The following RBP3 variants were observed in gnomAD, a reference collection of about 807,000 sequenced individuals.
The protein encoded by RBP3 is retinol-binding protein 3.
Under a neutral mutation model 64.8 loss-of-function variants are expected in RBP3, and 50 were observed. That is an observed-to-expected ratio of 0.77 (90% CI 0.61 to 0.98). The LOEUF (loss-of-function observed/expected upper bound fraction) is 0.98, where lower values mean the gene tolerates loss of function less well. RBP3 is among the 50% of genes least tolerant of loss of function. The probability of loss-of-function intolerance (pLI) is 0.00; values close to 1 mark genes in which losing one functional copy is unlikely to be tolerated. For missense variants in RBP3, 1,712 were observed against 1,660.5 expected, an observed-to-expected ratio of 1.03 and a Z score of -0.54; for synonymous variants, 828 against 730.2, an observed-to-expected ratio of 1.13 and a Z score of -2.16.
In RBP3 at chr10:47,350,166, G is replaced by A; in HGVS notation, c.1682G>A (p.Trp561Ter). 6.2e-7 allele frequency: 1 copy of A among 1,612,364 alleles called. No homozygotes were observed. The highest frequency in any genetic ancestry group is 1.1e-5 in the South Asian group (1 of 91,092). The change falls in exon 1 of 4, where the codon TGG becomes TAG. Residue 561 changes from tryptophan (W) to a stop codon, truncating the protein, a stop_gained. Transcript: ENST00000584701. LOFTEE classifies it high-confidence loss of function. ...GCCTTCCTTATGCAGTCGCTGGGCT[G>A]GGCCACACTGGTAGGTGAGATCACC... ...EFAFLMQSLGWATLVGEITAG... is the reference protein window; with the variant it reads ...EFAFLMQSLG
In RBP3 at chr10:47,349,567, G is replaced by A. The variant is rs146487673; in HGVS notation, c.1083G>A (p.Thr361=). 8 of 1,612,988 alleles carry A rather than the reference G, an allele frequency of 5.0e-6. No individual in the cohort carries two copies. The East Asian group carries it at 6.7e-5, about 13-fold the overall frequency. The change falls in exon 1 of 4, where the codon ACG becomes ACA. Residue 361 remains threonine (T), a synonymous_variant. Transcript: ENST00000584701. ...LQHLASMDFS[T]VVSEEDLVTK... is the part of the protein sequence containing the mutation. ...ACTTGGCCAGCATGGACTTCTCCAC[G>A]GTGGTCTCCGAGGAAGATCTGGTCA... is the stretch of plus-strand genomic sequence containing the variant.
rs781986486 is a variant in RBP3 at position 47,349,934 on chromosome 10, G to C, written c.1450G>C (p.Gly484Arg). ...LIMDLRHNPG[G>R]PSSAVPLLLS... ...CATGGACCTGCGCCACAACCCTGGA[G>C]GGCCATCCTCTGCTGTGCCCCTGCT... Residue 484 changes from glycine (G) to arginine (R), a missense_variant, in exon 1 of 4, where the codon GGG becomes CGG. Physicochemically the swap from Gly to Arg is moderately radical, Grantham distance 125. Coordinates refer to ENST00000584701, the MANE Select transcript of RBP3 (RefSeq NM_002900.3). 3.1e-6 allele frequency: 5 copies of C among 1,612,384 alleles called. No individual in the cohort carries two copies. The highest frequency in any genetic ancestry group is 4.2e-6 in the Non-Finnish European group (5 of 1,179,408).
intron 3 of RBP3, 75 bp downstream of exon 3, chr10:47,355,593 G>A: frequency 6.3e-7 from 1 of 1,594,096 alleles, no homozygotes. Flanking sequence ...CAGCTTGGGT[G>A]TAGGTAAAAG....
In RBP3 at chr10:47,348,534, C is replaced by A; in HGVS notation, c.50C>A (p.Ala17Asp). Residue 17 changes from alanine (A) to aspartate (D), a missense_variant, in exon 1 of 4, where the codon GCT becomes GAT. Coordinates refer to ENST00000584701, the MANE Select transcript of RBP3 (RefSeq NM_002900.3). ...LLMSVLLCGL[A>D]GPTHLFQPSL... The stretch of plus-strand genomic sequence containing the variant: ...ATGTCCGTGCTGCTCTGTGGCCTGG[C>A]TGGCCCCACACACCTGTTCCAGCCA... The A allele has an allele frequency of 6.2e-7, 1 of 1,611,054 alleles. No individual in the cohort carries two copies.
rs1209861528 is a variant in RBP3 at position 47,351,393 on chromosome 10, G to C, written c.2909G>C (p.Ser970Thr). ...KMATKLSGLQ[S>T]RYSRVTSEVA... is the part of the protein sequence containing the mutation. ...GCCACCAAACTGAGCGGTCTGCAGA[G>C]CCGCTACTCCAGGGTGACCTCAGAA... The change falls in exon 1 of 4, where the codon AGC (serine) becomes ACC (threonine). Residue 970 changes from serine (S) to threonine (T), a missense_variant. By Grantham distance (58) the Ser-to-Thr change is moderately conservative (BLOSUM62 1). Transcript: ENST00000584701. 34 of 1,613,488 alleles carry C rather than the reference G, an allele frequency of 2.1e-5. No individual in the cohort carries two copies. In the Admixed American group the frequency reaches 4.3e-4, roughly 21 times the overall value.
chr10:47,353,215 A>G, intron 1 of RBP3, 110 bp from the exon 2 acceptor site: 2 of 1,003,404 alleles, frequency 2.0e-6, no homozygotes, highest in East Asian at 2.4e-5. Flanking sequence ...ATTCCTTCAG[A>G]AATGTTAGTT....
chr10:47,354,483 A>G (rs1040412747), intron 2 of RBP3, among the ~76,000 whole-genome samples: 3 of 152,188 alleles, frequency 2.0e-5, no homozygotes, highest in Non-Finnish European at 2.9e-5. Flanking sequence ...GAGATAAAAC[A>G]TTAGCCCTGG....
In RBP3 at chr10:47,349,940, T is replaced by A; in HGVS notation, c.1456T>A (p.Ser486Thr). The A allele has an allele frequency of 6.2e-7, 1 of 1,612,362 alleles. No individual in the cohort carries two copies. Among genetic ancestry groups the A allele is most frequent in the Non-Finnish European group, 8.5e-7 (1 of 1,179,342 alleles). Residue 486 changes from serine (S) to threonine (T), a missense_variant, in exon 1 of 4, where the codon TCC (serine) becomes ACC (threonine). Coordinates refer to ENST00000584701, the MANE Select transcript of RBP3 (RefSeq NM_002900.3). ...MDLRHNPGGP[S>T]SAVPLLLSYF... is the part of the protein sequence containing the mutation. ...CCTGCGCCACAACCCTGGAGGGCCA[T>A]CCTCTGCTGTGCCCCTGCTCCTGTC...
Position 47,351,228 on chromosome 10 carries a change from A to T in RBP3, c.2744A>T (p.Asp915Val). ...KAWDLAGVEP[D>V]ITVPMSEALS... ...TGGGACCTGGCTGGTGTGGAGCCCG[A>T]CATCACTGTGCCCATGAGCGAAGCC... The change falls in exon 1 of 4, where the codon GAC becomes GTC. Residue 915 changes from aspartate (D) to valine (V), a missense_variant. Transcript: ENST00000584701. The T allele has an allele frequency of 1.2e-6, 2 of 1,613,336 alleles. No homozygotes were observed. The highest frequency in any genetic ancestry group is 1.7e-6 in the Non-Finnish European group (2 of 1,180,030).
At chr10:47,352,699 C>G (rs781950157) in intron 1 of RBP3, among the ~76,000 whole-genome samples, 1 of 152,222 alleles carries the variant, frequency 6.6e-6, no homozygotes, top group African/African-American at 2.4e-5. Context: ...GTGCGAGTAG[C>G]CTGTGCTAGG....
At chr10:47,355,315 G>A (rs1385458201) in intron 2 of RBP3, 61 bp from the exon 3 acceptor site, 2 of 1,608,498 alleles carry the variant, frequency 1.2e-6, no homozygotes, top group Non-Finnish European at 1.7e-6. Flanking sequence ...CCTCCCCGAG[G>A]GGCACACAGG....
rs1555211122 is a variant in RBP3, at chr10:47,349,547, G to A, written c.1063G>A (p.Ala355Thr). The A allele has an allele frequency of 6.2e-7, 1 of 1,613,038 alleles. No individual in the cohort carries two copies. Among genetic ancestry groups the A allele is most frequent in the Non-Finnish European group, 8.5e-7 (1 of 1,180,016 alleles). ...TGTGCCCACCCTGCTGCAGCACTTG[G>A]CCAGCATGGACTTCTCCACGGTGGT... ...DRVPTLLQHL[A>T]SMDFSTVVSE... The change falls in exon 1 of 4, where the codon GCC becomes ACC. Residue 355 changes from alanine (A) to threonine (T), a missense_variant. Coordinates refer to ENST00000584701, the MANE Select transcript of RBP3 (RefSeq NM_002900.3).
chr10:47,357,054 C>G, intron 3 of RBP3, 48 bp from the exon 4 acceptor site: 2 of 1,553,956 alleles, frequency 1.3e-6, no homozygotes, highest in Non-Finnish European at 1.7e-6. Flanking sequence ...GACAGGTGCT[C>G]CAGGGTCCTG....
chr10:47,354,794 C>T (rs1386006989), intron 2 of RBP3, among the ~76,000 whole-genome samples: 1 of 152,162 alleles, frequency 6.6e-6, no homozygotes, highest in Non-Finnish European at 1.5e-5. Context: ...CATCACTAGC[C>T]CCAGTGGGGA....
intron 1 of RBP3, among the ~76,000 whole-genome samples, chr10:47,352,782 C>CA (rs1836994694): frequency 6.6e-6 from 1 of 152,212 alleles, no homozygotes; most frequent in African/African-American, 2.4e-5. Context: ...GATTTGGAGT[C>CA]AGATGTGGAT....
intron 1 of RBP3, among the ~76,000 whole-genome samples, chr10:47,352,744 C>T (rs1555211704): frequency 6.6e-6 from 1 of 152,240 alleles, no homozygotes; most frequent in African/African-American, 2.4e-5. Flanking sequence ...TCAACATCTC[C>T]TTCCTTTCCA....
chr10:47,356,189 C>A (rs1555211963), intron 3 of RBP3, among the ~76,000 whole-genome samples: 1 of 152,184 alleles, frequency 6.6e-6, no homozygotes, highest in East Asian at 1.9e-4. Flanking sequence ...CAGAGAAACA[C>A]CCCACCATTT....
intron 2 of RBP3, 45 bp from the exon 3 acceptor site, chr10:47,355,327 CCTCA>C (rs782729918): frequency 1.2e-6 from 2 of 1,611,558 alleles, no homozygotes; most frequent in South Asian, 2.2e-5. Flanking sequence ...GCACACAGGG[CCTCA>C]CTGTGAGCTC....
Position 47,357,444 on chromosome 10 carries a change from A to G in RBP3, c.3731A>G (p.Gln1244Arg). The G allele has an allele frequency of 6.2e-7, 1 of 1,611,508 alleles. No individual in the cohort carries two copies. Among genetic ancestry groups the G allele is most frequent in the Non-Finnish European group, 8.5e-7 (1 of 1,178,910 alleles). The change falls in exon 4 of 4, where the codon CAG (glutamine) becomes CGG (arginine). Residue 1244 changes from glutamine to arginine, a missense_variant. Transcript: ENST00000584701. ...QLRVKRSPGL[Q>R]DHL The stretch of plus-strand genomic sequence containing the variant: ...AGGGTGAAGCGGAGCCCAGGCCTGC[A>G]GGACCACCTGTAGGGAAGGGCCCCA...
Sources: allele counts gnomAD v4.1 joint callset (sites outside exome capture counted in the v4.1 genomes callset), GRCh38; gene constraint gnomAD v4.1.1; transcripts MANE v1.5; gene names NCBI Gene and HGNC (gene_info 2026-07-23, HGNC 2026-07-21).